The following MYH13 variants were observed in gnomAD, a reference collection of about 807,000 sequenced individuals.
The protein encoded by MYH13 is myosin heavy chain 13, also known as myosin-13.
A neutral mutation model predicts 232.1 loss-of-function variants in MYH13; 177 were observed. The observed-to-expected ratio is 0.76, with a 90% CI of 0.67 to 0.86. The LOEUF (loss-of-function observed/expected upper bound fraction) is 0.86. MYH13 is among the 40% of genes least tolerant of loss of function. The pLI, the probability that MYH13 is intolerant of heterozygous loss-of-function variation, is 0.00. For missense variants in MYH13, 2,246 were observed against 2,405.9 expected (o/e 0.93, Z 1.39); for synonymous variants, 884 against 923.5 (o/e 0.96, Z 0.78).
intron 34 of MYH13, 30 bp from the exon 35 acceptor site, chr17:10,309,467 GC>G (rs749149099): frequency 1.3e-6 from 2 of 1,599,606 alleles, no homozygotes; most frequent in Admixed American, 1.7e-5. Context: ...TGAGGCCAGA[GC>G]CGCCTGGCAG....
intron 18 of MYH13, among the ~76,000 whole-genome samples, chr17:10,338,948 G>T (rs1415353708): frequency 1.3e-5 from 2 of 152,038 alleles, no homozygotes; most frequent in African/African-American, 2.4e-5. Context: ...TGATCCACCC[G>T]ACTCGGCCTC....
At chr17:10,303,554 T>G in intron 37 of MYH13, 56 bp from the exon 38 acceptor site, 1 of 1,469,776 alleles carries the variant, frequency 6.8e-7, no homozygotes, top group Admixed American at 1.7e-5. Context: ...GCTTCTCTCA[T>G]GGACTCATGG....
intron 21 of MYH13, among the ~76,000 whole-genome samples, chr17:10,329,633 T>A (rs564815666): frequency 6.6e-6 from 1 of 152,274 alleles, no homozygotes; most frequent in Non-Finnish European, 1.5e-5. Context: ...GCCACCTGCT[T>A]GTCGGGCTTC....
At chr17:10,327,752 C>CACTGGGTG in intron 22 of MYH13, 114 bp downstream of exon 22, 6 of 1,342,906 alleles carry the variant, frequency 4.5e-6, no homozygotes, top group Non-Finnish European at 5.1e-6. Context: ...TCCACATGAC[C>CACTGGGTG]ACTGGGTGGC....
intron 35 of MYH13, 127 bp from the exon 36 acceptor site, chr17:10,307,191 C>T (rs1002980805): frequency 1.4e-4 from 170 of 1,208,238 alleles, no homozygotes; most frequent in Admixed American, 3.3e-4. Context: ...ACATGGGTGA[C>T]CTGCTGGGTA....
At chr17:10,314,533 C>G (rs1051377161) in intron 29 of MYH13, among the ~76,000 whole-genome samples, 1 of 152,190 alleles carries the variant, frequency 6.6e-6, no homozygotes, top group Non-Finnish European at 1.5e-5. Flanking sequence ...AGTACTTGTT[C>G]AGGCTTGGGT....
intron 35 of MYH13, among the ~76,000 whole-genome samples, chr17:10,308,394 G>T (rs1906364605): frequency 7.4e-6 from 1 of 134,598 alleles, no homozygotes; most frequent in Admixed American, 7.7e-5. Flanking sequence ...GGTTGCAAAA[G>T]ATTGCTCATA....
At chr17:10,365,322 G>A (rs1004018390) in intron 2 of MYH13, among the ~76,000 whole-genome samples, 2 of 152,232 alleles carry the variant, frequency 1.3e-5, no homozygotes, top group Admixed American at 6.5e-5. Flanking sequence ...TGAATGACTT[G>A]AACATGAAGA....
At chr17:10,315,864 G>A (rs773858514) in intron 28 of MYH13, 35 bp downstream of exon 28, 2 of 1,613,916 alleles carry the variant, frequency 1.2e-6, no homozygotes, top group Non-Finnish European at 1.7e-6. Context: ...CCTCTCCCAT[G>A]GCCCGGCTGG....
At position 10,313,172 on chromosome 17, in the gene MYH13, C is replaced by G. The variant is rs1158531402; in HGVS notation, c.4167G>C (p.Glu1389Asp). The G allele has an allele frequency of 6.2e-7, 1 of 1,614,158 alleles. No individual in the cohort carries two copies. The highest frequency in any genetic ancestry group is 1.1e-5 in the South Asian group (1 of 91,084). Reference protein sequence around the residue: ...YETDAIQRTEELEEAKKKLAQ... With the variant: ...YETDAIQRTEDLEEAKKKLAQ... ...GGAGCCCCTACTTGGCCTCCTCCAG[C>G]TCCTCTGTGCGCTGAATGGCGTCCG... Residue 1389 changes from glutamate (E) to aspartate (D), a missense_variant, in exon 30 of 41, where the codon GAG becomes GAC. Glu to Asp is a conservative substitution (Grantham distance 45). Transcript: ENST00000252172.
At chr17:10,359,843 G>T in intron 7 of MYH13, 117 bp downstream of exon 7, 3 of 881,412 alleles carry the variant, frequency 3.4e-6, no homozygotes, top group South Asian at 1.5e-5. Context: ...AGGAAAGAAA[G>T]AATTTTTCCT....
chr17:10,368,383 G>T (rs2071853429), intron 2 of MYH13, among the ~76,000 whole-genome samples: 1 of 152,206 alleles, frequency 6.6e-6, no homozygotes, highest in South Asian at 2.1e-4. Flanking sequence ...ACCATAGCTT[G>T]TCTGCTAGTT....
intron 18 of MYH13, among the ~76,000 whole-genome samples, chr17:10,336,439 T>A (rs995194338): frequency 1.3e-5 from 2 of 152,208 alleles, no homozygotes; most frequent in Non-Finnish European, 1.5e-5. Flanking sequence ...GTATTAGCCA[T>A]GCTTTTGAAA....
At chr17:10,328,663 C>A (rs1907304023) in intron 21 of MYH13, among the ~76,000 whole-genome samples, 1 of 146,500 alleles carries the variant, frequency 6.8e-6, no homozygotes, top group Non-Finnish European at 1.5e-5. Flanking sequence ...TTCCCAATTT[C>A]TTTCTTTTCT....
chr17:10,333,419 G>A (rs146919557), intron 18 of MYH13, among the ~76,000 whole-genome samples: 73 of 152,308 alleles, frequency 4.8e-4, no homozygotes, highest in African/African-American at 1.6e-3. Flanking sequence ...CCCCATAACC[G>A]TGGCAGTAAG....
rs1468346412 is a variant in MYH13 at position 10,362,266 on chromosome 17, T to C, written c.357A>G (p.Ser119=). The part of the protein sequence containing the change: ...RYAAWMIYTY[S]GLFCVTVNPY... Reference sequence around the variant, plus strand: ...GGTTGACGGTGACACAGAAGAGGCCTGAGTAGGTCTGGGAAGATCAGAACA... The same window carrying C: ...GGTTGACGGTGACACAGAAGAGGCCCGAGTAGGTCTGGGAAGATCAGAACA... The change falls in exon 5 of 41, where the codon TCA becomes TCG. Residue 119 remains serine, a synonymous_variant. Coordinates refer to ENST00000252172, the MANE Select transcript of MYH13 (RefSeq NM_003802.3). 9 of 1,613,718 alleles carry C rather than the reference T, an allele frequency of 5.6e-6. No homozygotes were observed. The South Asian group carries it at 9.9e-5, about 18-fold the overall frequency.
At chr17:10,318,725 T>C (rs902634875) in intron 27 of MYH13, 65 bp downstream of exon 27, 2 of 1,594,884 alleles carry the variant, frequency 1.3e-6, no homozygotes, top group African/African-American at 2.7e-5. Context: ...AAATTACACG[T>C]GCCCAGGGGC....
At chr17:10,335,536 T>A (rs779586506) in intron 18 of MYH13, among the ~76,000 whole-genome samples, 4 of 152,136 alleles carry the variant, frequency 2.6e-5, no homozygotes, top group Non-Finnish European at 5.9e-5. Context: ...GCGGATCGCC[T>A]GAGGTCAGGA....
At chr17:10,355,052 C>T (rs1314723077) in intron 9 of MYH13, 32 bp downstream of exon 9, 2 of 1,609,444 alleles carry the variant, frequency 1.2e-6, no homozygotes, top group Non-Finnish European at 1.7e-6. Context: ...GTGGCCAAAA[C>T]ACCAACGGAT....
Sources: allele counts gnomAD v4.1 joint callset (sites outside exome capture counted in the v4.1 genomes callset), GRCh38; gene constraint gnomAD v4.1.1; transcripts MANE v1.5; gene names NCBI Gene and HGNC (gene_info 2026-07-23, HGNC 2026-07-21).